Variants in ATXN10 observed in about 807,000 individuals in gnomAD.
ATXN10 encodes ataxin-10.
In ATXN10, 28 loss-of-function variants were observed where a neutral mutation model predicts 52.9. The ratio of observed to expected loss-of-function variants is 0.53; its 90% CI spans 0.39 to 0.73. The LOEUF is 0.73. Among genes scored for constraint, ATXN10 ranks in the 30% least tolerant of loss-of-function variants. The pLI is 0.00. For missense variants in ATXN10, 565 were observed against 577.0 expected, an observed-to-expected ratio of 0.98 and a Z score of 0.21; for synonymous variants, 226 against 221.5, an observed-to-expected ratio of 1.02 and a Z score of -0.18.
At chr22:45,706,020 G>A (rs1288779872) in intron 5 of ATXN10, among the ~76,000 whole-genome samples, 1 of 152,282 alleles carries the variant, frequency 6.6e-6, no homozygotes, top group Middle Eastern at 3.4e-3. Flanking sequence ...GAGGGATCTA[G>A]GTCTCACACT....
In ATXN10 at chr22:45,805,772, C is replaced by A. The variant is rs1928080410; in HGVS notation, c.1174-1187C>A. 1.3e-5 allele frequency among the ~76,000 whole-genome samples: 2 copies of A among 152,252 alleles called. No homozygotes were observed. The highest frequency in any genetic ancestry group is 4.2e-4 in the South Asian group (2 of 4,812). ...TGAGGAAAATGTTGGAAAATTGGAT[C>A]ATGCTAATGGTTATATAACTCTGTG... On this transcript the variant is annotated intron_variant, in intron 9 of 11. Coordinates refer to ENST00000252934, the MANE Select transcript of ATXN10 (RefSeq NM_013236.4). This position sits in a 1 kb window ranked among gnomAD's most constrained non-coding sequence, Gnocchi z 4.4.
At chr22:45,761,447 C>A (rs1327368080) in intron 9 of ATXN10, among the ~76,000 whole-genome samples, 1 of 152,202 alleles carries the variant, frequency 6.6e-6, no homozygotes, top group Non-Finnish European at 1.5e-5. Context: ...TAAATCTGTT[C>A]ATTGTTTTCA....
In ATXN10 at chr22:45,842,085, T is replaced by C. The variant is rs1276852629; in HGVS notation, c.1238-906T>C. Among the ~76,000 whole-genome samples the C allele has an allele frequency of 6.6e-6, 1 of 152,184 alleles. No individual in the cohort carries two copies. Among genetic ancestry groups the C allele is most frequent in the African/African-American group, 2.4e-5 (1 of 41,442 alleles). ...ACCCTAGGTTCTTTGTTGTTCTCCC[T>C]GGATCAGGGTGCCAGGCCCAGTAGG... On this transcript the variant is annotated intron_variant, in intron 10 of 11. Coordinates refer to ENST00000252934, the MANE Select transcript of ATXN10 (RefSeq NM_013236.4). This position sits in a 1 kb window ranked among gnomAD's most constrained non-coding sequence, Gnocchi z 4.8.
intron 6 of ATXN10, among the ~76,000 whole-genome samples, chr22:45,722,534 A>G (rs1279213581): frequency 6.6e-6 from 1 of 152,202 alleles, no homozygotes; most frequent in Non-Finnish European, 1.5e-5. Context: ...CAGTACCCAC[A>G]TCGTTAGCTC....
intron 5 of ATXN10, among the ~76,000 whole-genome samples, chr22:45,704,929 C>G (rs943232406): frequency 1.3e-5 from 2 of 152,112 alleles, no homozygotes; most frequent in Non-Finnish European, 2.9e-5. Context: ...GGATGATAAA[C>G]TTTTCTTCTA....
intron 9 of ATXN10, among the ~76,000 whole-genome samples, chr22:45,777,522 A>T (rs1395730118): frequency 6.6e-6 from 1 of 152,216 alleles, no homozygotes; most frequent in African/African-American, 2.4e-5. Context: ...TGATTAATGC[A>T]TTCAGCTATG....
chr22:45,729,631 G>GGACA (rs1925010205), intron 7 of ATXN10, 41 bp downstream of exon 7: 1 of 1,606,902 alleles, frequency 6.2e-7, no homozygotes, highest in African/African-American at 1.3e-5. Context: ...AAAAGAGAAT[G>GGACA]GACAGATTTT....
intron 10 of ATXN10, among the ~76,000 whole-genome samples, chr22:45,809,612 G>A (rs935048912): frequency 2.0e-5 from 3 of 152,090 alleles, no homozygotes; most frequent in Non-Finnish European, 2.9e-5. Context: ...GCTTCCCCTG[G>A]AGTTAGGACT....
Position 45,826,091 on chromosome 22 carries a change from T to G in ATXN10, c.1238-16900T>G, listed in dbSNP as rs1275108784. Among the ~76,000 whole-genome samples the G allele has an allele frequency of 1.3e-5, 2 of 152,000 alleles. No individual in the cohort carries two copies. The highest frequency in any genetic ancestry group is 2.9e-5 in the Non-Finnish European group (2 of 68,004). ...TCAAAACAAAACAAAAAGCCCAATA[T>G]GGACAAAATGAAATGTCAGCAAAGA... is the stretch of plus-strand genomic sequence containing the variant. On this transcript the variant is annotated intron_variant, in intron 10 of 11. Coordinates refer to ENST00000252934, the MANE Select transcript of ATXN10 (RefSeq NM_013236.4). The surrounding 1 kb of genome is among the most constrained non-coding windows in gnomAD (Gnocchi z 5.0).
intron 5 of ATXN10, among the ~76,000 whole-genome samples, chr22:45,717,513 T>C (rs969063871): frequency 1.3e-5 from 2 of 152,342 alleles, no homozygotes; most frequent in East Asian, 1.9e-4. Flanking sequence ...TTATCCATTA[T>C]TTTTAGGAAT....
At chr22:45,811,679 A>G in intron 10 of ATXN10, 1 of 469,454 alleles carries the variant, frequency 2.1e-6, no homozygotes, top group Non-Finnish European at 4.4e-6. Flanking sequence ...CACAATGATG[A>G]TATTGTCTCT....
chr22:45,693,423 G>T (rs952144247), intron 3 of ATXN10, among the ~76,000 whole-genome samples: 2 of 152,060 alleles, frequency 1.3e-5, no homozygotes, highest in Non-Finnish European at 1.5e-5. Context: ...TTTTGCGGGG[G>T]CTGCTCTCGT....
intron 9 of ATXN10, among the ~76,000 whole-genome samples, chr22:45,742,440 G>T (rs1925571342): frequency 6.6e-6 from 1 of 151,822 alleles, no homozygotes; most frequent in East Asian, 1.9e-4. Context: ...CTTCATAAGA[G>T]TGAAAAGGTG....
At chr22:45,734,530 A>ATT (rs199766625) in intron 7 of ATXN10, 16 of 113,916 alleles carry the variant, frequency 1.4e-4, no homozygotes, top group African/African-American at 2.2e-4. Flanking sequence ...TGGCCTCTGG[A>ATT]TTTTTTTTTT....
chr22:45,775,899 A>T lies in ATXN10; in HGVS notation c.1174-31060A>T, dbSNP rs1307486704. On this transcript the variant is annotated intron_variant, in intron 9 of 11. Transcript: ENST00000252934. The surrounding 1 kb of genome is among the most constrained non-coding windows in gnomAD (Gnocchi z 4.7). ...TAACATCCGTTTGCTGGTGTTTGAA[A>T]CCTGGAGCTCCCGGAGATTAAGTGG... 6.6e-6 allele frequency among the ~76,000 whole-genome samples: 1 copy of T among 151,970 alleles called. No homozygotes were observed. Among genetic ancestry groups the T allele is most frequent in the East Asian group, 1.9e-4 (1 of 5,196 alleles).
rs570377562 is a variant in ATXN10, at chr22:45,790,849, A to G, written c.1174-16110A>G. ...CTTATTTCCCATTTCATTTATTTTT[A>G]TTGTTTATTTTTCAAGACAGAGCCT... On this transcript the variant is annotated intron_variant, in intron 9 of 11. Coordinates refer to ENST00000252934, the MANE Select transcript of ATXN10 (RefSeq NM_013236.4). The surrounding 1 kb of genome is among the most constrained non-coding windows in gnomAD (Gnocchi z 4.7). 2.6e-5 allele frequency among the ~76,000 whole-genome samples: 4 copies of G among 151,516 alleles called. No homozygotes were observed. The highest frequency in any genetic ancestry group is 2.1e-4 in the South Asian group (1 of 4,784).
chr22:45,814,679 C>G (rs1413879688), intron 10 of ATXN10, among the ~76,000 whole-genome samples: 1 of 152,204 alleles, frequency 6.6e-6, no homozygotes, highest in African/African-American at 2.4e-5. Context: ...CCCTCAGCCG[C>G]AGACCTGGTA....
intron 9 of ATXN10, among the ~76,000 whole-genome samples, chr22:45,749,764 CTGTG>C (rs1313177704): frequency 2.6e-5 from 4 of 152,028 alleles, no homozygotes; most frequent in African/African-American, 7.3e-5. Context: ...CAGGGTCTTA[CTGTG>C]TTGCCCAGGC....
In ATXN10 at chr22:45,843,351, C is replaced by T. The variant is rs187995087; in HGVS notation, c.1425+173C>T. 1.3e-5 allele frequency among the ~76,000 whole-genome samples: 2 copies of T among 152,164 alleles called. No individual in the cohort carries two copies. Among genetic ancestry groups the T allele is most frequent in the South Asian group, 2.1e-4 (1 of 4,822 alleles). The stretch of plus-strand genomic sequence containing the variant: ...ATAGCTGCAAACGGTTTTTTTGTTC[C>T]GGCTTTATGCTGCCATTTTCTTAAA... On this transcript the variant is annotated intron_variant, in intron 11 of 11. Transcript: ENST00000252934. This position sits in a 1 kb window ranked among gnomAD's most constrained non-coding sequence, Gnocchi z 4.5.
Sources: allele counts gnomAD v4.1 joint callset (sites outside exome capture counted in the v4.1 genomes callset), GRCh38; gene constraint gnomAD v4.1.1; non-coding constraint Gnocchi (gnomAD v3.1); transcripts MANE v1.5; gene names NCBI Gene and HGNC (gene_info 2026-07-23, HGNC 2026-07-21).